Variants in JAKMIP3 observed in about 807,000 individuals in gnomAD.
JAKMIP3 encodes janus kinase and microtubule-interacting protein 3.
A neutral mutation model predicts 118.5 loss-of-function variants in JAKMIP3; 58 were observed. The ratio of observed to expected loss-of-function variants is 0.49; its 90% CI spans 0.40 to 0.61. JAKMIP3 has a LOEUF of 0.61. Among genes scored for constraint, JAKMIP3 ranks in the 20% least tolerant of loss-of-function variants. The pLI, the probability that JAKMIP3 is intolerant of heterozygous loss-of-function variation, is 0.00. For synonymous variants in JAKMIP3, 486 were observed against 451.2 expected (o/e 1.08, Z -0.98); for missense variants, 950 against 1,109.0 (o/e 0.86, Z 2.04).
intron 1 of JAKMIP3, among the ~76,000 whole-genome samples, chr10:132,100,912 C>G (rs1480355558): frequency 6.6e-6 from 1 of 152,188 alleles, no homozygotes; most frequent in Non-Finnish European, 1.5e-5. Flanking sequence ...GCCGCAGACC[C>G]CAGCTGGGTG....
At chr10:132,080,580 G>A (rs2041632142) in intron 1 of JAKMIP3, among the ~76,000 whole-genome samples, 1 of 133,528 alleles carries the variant, frequency 7.5e-6, no homozygotes, top group African/African-American at 2.9e-5. Context: ...GGAGTGCAGT[G>A]GTGCAATGTC....
rs79768518 is a variant in JAKMIP3, at chr10:132,167,098, C to T, written c.*22+43C>T. The T allele has an allele frequency of 1.5e-4, 210 of 1,387,784 alleles. 1 individual carries two copies. In the East Asian group the frequency reaches 5.1e-3, roughly 34 times the overall value. 86.0% of individuals were successfully genotyped at this position (1,387,784 alleles called of 1,614,324 possible). On this transcript the variant is annotated intron_variant, in intron 22 of 23. Coordinates refer to ENST00000684848, the MANE Select transcript of JAKMIP3 (RefSeq NM_001323087.2). ...AGGGCCCAGCAGGGGTCCCGCTCTG[C>T]TTCCCGGAAGACTCCTCTGCCCCTG...
At position 132,168,442 on chromosome 10, in the gene JAKMIP3, G is replaced by T. The variant is rs780875991; in HGVS notation, c.*512G>T. The T allele has an allele frequency of 2.0e-5, 25 of 1,273,830 alleles. No individual in the cohort carries two copies. In the Middle Eastern group the frequency reaches 1.1e-3, roughly 55 times the overall value. The allele number at this position is 1,273,830 out of a possible 1,614,324, so 78.9% of individuals were successfully genotyped here. On this transcript the variant is annotated 3_prime_UTR_variant, in exon 23 of 24. Transcript: ENST00000684848. ...GACCTTCATTCAGGGGAACCTGGAG[G>T]CTCCCTGGGATGGTCCTGGGAGGGC...
chr10:132,166,924 A>G (rs2058966732), intron 21 of JAKMIP3, 59 bp from the exon 22 acceptor site: 1 of 1,271,042 alleles, frequency 7.9e-7, no homozygotes, highest in African/African-American at 1.5e-5. Flanking sequence ...CAGAAGCACT[A>G]CAAACTCTTT....
rs200168920 is a variant in JAKMIP3, at chr10:132,152,945, C to G, written c.2008-13C>G. 2 of 1,598,320 alleles carry G rather than the reference C, an allele frequency of 1.3e-6. No individual in the cohort carries two copies. The highest frequency in any genetic ancestry group is 1.7e-6 in the Non-Finnish European group (2 of 1,172,706). On this transcript the variant is annotated splice_polypyrimidine_tract_variant and intron_variant, in intron 16 of 23. Coordinates refer to ENST00000684848, the MANE Select transcript of JAKMIP3 (RefSeq NM_001323087.2). Reference sequence around the variant, plus strand: ...TGCTTCTGACCGCACCTGTGTTCTGCTTTTGGGTGCAGAACCTGACCAATG... The same window carrying G: ...TGCTTCTGACCGCACCTGTGTTCTGGTTTTGGGTGCAGAACCTGACCAATG...
chr10:132,131,977 G>A (rs1384045118), intron 3 of JAKMIP3, among the ~76,000 whole-genome samples: 1 of 152,182 alleles, frequency 6.6e-6, no homozygotes, highest in Non-Finnish European at 1.5e-5. Flanking sequence ...CCTGATAAAA[G>A]AAAATCTTGT....
intron 3 of JAKMIP3, among the ~76,000 whole-genome samples, chr10:132,131,745 C>T (rs551366684): frequency 1.5e-4 from 23 of 152,114 alleles, no homozygotes; most frequent in African/African-American, 5.3e-4. Context: ...TTGAACGTCC[C>T]GTGTCCTGGG....
Position 132,153,899 on chromosome 10 carries a change from C to T in JAKMIP3, c.2143-14C>T, listed in dbSNP as rs1236231972. On this transcript the variant is annotated splice_polypyrimidine_tract_variant and intron_variant, in intron 18 of 23. Transcript: ENST00000684848. ...GGACATCCGAGACCGAGGCATGGCC[C>T]TCCTGTGTTTCAGGAGCTGTTCAGT... The T allele has an allele frequency of 6.2e-7, 1 of 1,613,116 alleles. No homozygotes were observed. Among genetic ancestry groups the T allele is most frequent in the Admixed American group, 1.7e-5 (1 of 60,010 alleles).
At chr10:132,104,621 A>T in intron 1 of JAKMIP3, 51 bp from the exon 2 acceptor site, 1 of 618,964 alleles carries the variant, frequency 1.6e-6, no homozygotes, top group Non-Finnish European at 2.8e-6. Context: ...CCTGAGCTCC[A>T]GGCCACGGCT....
chr10:132,164,880 C>T lies in JAKMIP3; in HGVS notation c.2490+145C>T. 3 of 646,868 alleles carry T rather than the reference C, an allele frequency of 4.6e-6. No homozygotes were observed. In the South Asian group the frequency reaches 5.7e-5, roughly 12 times the overall value. 40.1% of individuals were successfully genotyped at this position (646,868 alleles called of 1,614,324 possible). ...CAGCGGGAAGCGGCCGCCTGGAGGC[C>T]TGAAGGCTGGGCGGAGCTGAGCTGG... On this transcript the variant is annotated intron_variant, in intron 21 of 23. Transcript: ENST00000684848.
chr10:132,133,354 G>C lies in JAKMIP3; in HGVS notation c.676G>C (p.Glu226Gln), dbSNP rs1333343747. Residue 226 changes from glutamate (E) to glutamine (Q), a missense_variant, in exon 4 of 24, where the codon GAG becomes CAG. Glu to Gln is a conservative substitution (Grantham distance 29). Transcript: ENST00000684848. ...KFKDRAVFVLERELGVQAGHA... is the reference protein window; with the variant it reads ...KFKDRAVFVLQRELGVQAGHA... ...TAAAGACAGAGCAGTCTTCGTGCTGGAGAGAGAGTTAGGGGTTCAAGCCGG... is the reference window on the plus strand; with the variant it reads ...TAAAGACAGAGCAGTCTTCGTGCTGCAGAGAGAGTTAGGGGTTCAAGCCGG... 1 of 1,601,546 alleles carries C rather than the reference G, an allele frequency of 6.2e-7. No individual in the cohort carries two copies. Among genetic ancestry groups the C allele is most frequent in the African/African-American group, 1.3e-5 (1 of 74,700 alleles).
rs188199533 is a variant in JAKMIP3, at chr10:132,052,848, T to G, written c.-138+16110T>G. Among the ~76,000 whole-genome samples, 6 of 152,342 alleles carry G rather than the reference T, an allele frequency of 3.9e-5. No individual in the cohort carries two copies. In the East Asian group the frequency reaches 1.2e-3, roughly 29 times the overall value. The stretch of plus-strand genomic sequence containing the variant: ...GTTTATGTGGTGGGGAGTAAGGGTA[T>G]GTGGGAATTCTGTGCACTTTCTGCT... On this transcript the variant is annotated intron_variant, in intron 1 of 23. Coordinates refer to the JAKMIP3 transcript ENST00000657785.
rs778690061 is a variant in JAKMIP3 at position 132,126,318 on chromosome 10, T to TC, written c.634-6992dup. On this transcript the variant is annotated intron_variant, in intron 3 of 23. Coordinates refer to ENST00000684848, the MANE Select transcript of JAKMIP3 (RefSeq NM_001323087.2). ...TTGGCAATACTTTTTTTTTTTTTTT[T>TC]CCTGGACACGGTCTCGCTCTGTCAC... 1.4e-3 allele frequency among the ~76,000 whole-genome samples: 213 copies of TC among 149,880 alleles called. 1 individual carries two copies. The highest frequency in any genetic ancestry group is 2.3e-3 in the Non-Finnish European group (158 of 67,644).
At chr10:132,131,403 G>A (rs1045422947) in intron 3 of JAKMIP3, among the ~76,000 whole-genome samples, 3 of 150,242 alleles carry the variant, frequency 2.0e-5, no homozygotes, top group Non-Finnish European at 4.4e-5. Flanking sequence ...GCCCAGGGGA[G>A]ATGGGAGCTT....
intron 2 of JAKMIP3, among the ~76,000 whole-genome samples, chr10:132,110,501 T>C (rs9419204): frequency 0.44 from 67,710 of 152,232 alleles, 15,676 homozygotes; most frequent in African/African-American, 0.56. Flanking sequence ...GTTTCTCTGC[T>C]GCGGTACTGG....
chr10:132,161,184 GTCTCTTCCTGTGTGATGCTGGGGGA>G (rs2058218113), intron 19 of JAKMIP3, among the ~76,000 whole-genome samples: 13 of 10,278 alleles, frequency 1.3e-3, no homozygotes, highest in African/African-American at 2.1e-3. Flanking sequence ...ATGCTGGGGG[GTCTCTTCCTGTGTGATGCTGGGGGA>G]CCTCTCCCTG....
At chr10:132,075,506 T>G (rs1211789543) in intron 1 of JAKMIP3, among the ~76,000 whole-genome samples, 1 of 150,382 alleles carries the variant, frequency 6.6e-6, no homozygotes, top group Non-Finnish European at 1.5e-5. Context: ...GCCTCCCAGG[T>G]TCAGGTGATC....
intron 1 of JAKMIP3, among the ~76,000 whole-genome samples, chr10:132,102,283 G>A (rs1315481630): frequency 6.6e-6 from 1 of 152,014 alleles, no homozygotes; most frequent in Non-Finnish European, 1.5e-5. Context: ...CGGGCCCGGC[G>A]AGCACCCTCT....
At chr10:132,140,663 G>A (rs191071195) in intron 10 of JAKMIP3, 84 bp downstream of exon 10, 9 of 1,434,130 alleles carry the variant, frequency 6.3e-6, no homozygotes, top group Middle Eastern at 2.6e-4. Flanking sequence ...AGGAGGTAAC[G>A]AGGGTCTCCT....
Sources: allele counts gnomAD v4.1 joint callset (sites outside exome capture counted in the v4.1 genomes callset), GRCh38; gene constraint gnomAD v4.1.1; transcripts MANE v1.5; gene names NCBI Gene and HGNC (gene_info 2026-07-23, HGNC 2026-07-21).